Variants in ABCC2 observed in about 807,000 individuals in gnomAD.
The protein encoded by ABCC2 is ATP-binding cassette sub-family C member 2.
Under a neutral mutation model 173.4 loss-of-function variants are expected in ABCC2, and 157 were observed. The observed-to-expected ratio is 0.91, with a 90% CI of 0.80 to 1.03. The LOEUF (loss-of-function observed/expected upper bound fraction) is 1.03, where lower values mean the gene tolerates loss of function less well. Ranked by LOEUF, ABCC2 falls within the 50% of genes least tolerant of loss-of-function variation. The pLI is 0.00. For missense variants in ABCC2, 1,822 were observed against 1,852.3 expected, an observed-to-expected ratio of 0.98 and a Z score of 0.30; for synonymous variants, 657 against 693.5, an observed-to-expected ratio of 0.95 and a Z score of 0.83.
intron 16 of ABCC2, among the ~76,000 whole-genome samples, chr10:99,814,228 CAT>C (rs1491138345): frequency 0.058 from 3,208 of 54,852 alleles, 249 homozygotes; most frequent in Middle Eastern, 0.19. Flanking sequence ...TATATACACA[CAT>C]GTGTATATAT....
intron 25 of ABCC2, among the ~76,000 whole-genome samples, chr10:99,839,230 C>T (rs1308295569): frequency 1.1e-4 from 11 of 97,752 alleles, no homozygotes; most frequent in South Asian, 6.7e-4. Flanking sequence ...GCTGGCCGGG[C>T]GGGGGGCCGA....
chr10:99,819,262 A>G lies in ABCC2; in HGVS notation c.2613A>G (p.Glu871=), dbSNP rs76302654. 1,336 of 1,613,540 alleles carry G rather than the reference A, an allele frequency of 8.3e-4. 3 individuals are homozygous for G. Among genetic ancestry groups the G allele is most frequent in the Middle Eastern group, 3.8e-3 (23 of 6,058 alleles). Residue 871 remains glutamate (E), a synonymous_variant, in exon 19 of 32, where the codon GAA becomes GAG. Coordinates refer to ENST00000647814, the MANE Select transcript of ABCC2 (RefSeq NM_000392.5). The part of the protein sequence containing the change: ...TFLRHTGPEE[E]ATVHDGSEEE... The stretch of plus-strand genomic sequence containing the variant: ...TAAGACATACAGGCCCTGAAGAGGA[A>G]GCCACAGGTATGTAAGAAGGATTGG...
rs1227257975 is a variant in ABCC2 at position 99,800,509 on chromosome 10, C to T, written c.1155C>T (p.Cys385=). ...SFCLQCYFQL[C]FKLGVKVRTA... The stretch of plus-strand genomic sequence containing the variant: ...GCCTTCAGTGTTATTTCCAACTGTG[C>T]TTCAAGCTGGGTGTAAAAGTACGGA... The change falls in exon 9 of 32, where the codon TGC becomes TGT. Residue 385 remains cysteine, a synonymous_variant. Coordinates refer to ENST00000647814, the MANE Select transcript of ABCC2 (RefSeq NM_000392.5). The T allele has an allele frequency of 6.2e-7, 1 of 1,614,156 alleles. No homozygotes were observed. The highest frequency in any genetic ancestry group is 1.7e-5 in the Admixed American group (1 of 60,014).
intron 11 of ABCC2, among the ~76,000 whole-genome samples, chr10:99,806,775 C>T (rs1022719935): frequency 1.3e-5 from 2 of 152,178 alleles, no homozygotes; most frequent in African/African-American, 4.8e-5. Context: ...CCAGAGGTGA[C>T]CAATAAGTTC....
intron 21 of ABCC2, 37 bp from the exon 22 acceptor site, chr10:99,831,574 A>G: frequency 6.3e-7 from 1 of 1,583,322 alleles, no homozygotes; most frequent in Non-Finnish European, 8.7e-7. Flanking sequence ...AAAAGCCATT[A>G]GGGAGTTCTA....
intron 6 of ABCC2, chr10:99,794,671 A>C (rs1463007962): frequency 1.9e-6 from 1 of 534,018 alleles, no homozygotes; most frequent in Non-Finnish European, 3.3e-6. Context: ...CAGCCTCGCA[A>C]GTAGCTGGGA....
intron 16 of ABCC2, among the ~76,000 whole-genome samples, chr10:99,813,441 C>T (rs1272337888): frequency 6.6e-6 from 1 of 152,192 alleles, no homozygotes; most frequent in African/African-American, 2.4e-5. Flanking sequence ...TCTGGCCAGG[C>T]ACGGTGGCTC....
chr10:99,818,659 A>G (rs1437761939), intron 17 of ABCC2, 131 bp from the exon 18 acceptor site: 3 of 875,082 alleles, frequency 3.4e-6, no homozygotes, highest in Non-Finnish European at 5.4e-6. Flanking sequence ...TATTTGTATA[A>G]AGGAACTTGT....
At position 99,845,531 on chromosome 10, in the gene ABCC2, C is replaced by T. The variant is rs920154599; in HGVS notation, c.3988-93C>T. On this transcript the variant is annotated intron_variant, in intron 28 of 31. Transcript: ENST00000647814. ...TAGAGATGGAGTAGCCAGTCACTGC[C>T]TCTTACCTCCTGTGACTGTGAATGC... 2.0e-5 allele frequency: 30 copies of T among 1,509,204 alleles called. No homozygotes were observed. In the African/African-American group the frequency reaches 3.6e-4, roughly 18 times the overall value. The allele number at this position is 1,509,204 out of a possible 1,614,324, so 93.5% of individuals were successfully genotyped here.
chr10:99,785,471 T>G (rs763913097), intron 2 of ABCC2, among the ~76,000 whole-genome samples: 1 of 152,084 alleles, frequency 6.6e-6, no homozygotes, highest in Non-Finnish European at 1.5e-5. Context: ...CATAAAATCT[T>G]CCATCTGCTT....
chr10:99,805,347 C>T lies in ABCC2; in HGVS notation c.1465-35C>T, dbSNP rs747938222. The stretch of plus-strand genomic sequence containing the variant: ...AAACCTGAGCCCTCTCTCATGGAAG[C>T]GTATATTGTTTTTCTTTTGCTTTTT... On this transcript the variant is annotated intron_variant, in intron 10 of 31. Coordinates refer to ENST00000647814, the MANE Select transcript of ABCC2 (RefSeq NM_000392.5). 8.2e-6 allele frequency: 13 copies of T among 1,583,574 alleles called. No homozygotes were observed. In the East Asian group the frequency reaches 1.1e-4, roughly 14 times the overall value.
At chr10:99,837,460 CTTTTTTT>C (rs1233997069) in intron 25 of ABCC2, among the ~76,000 whole-genome samples, 1 of 5,698 alleles carries the variant, frequency 1.8e-4, no homozygotes, top group African/African-American at 1.0e-3. Context: ...TCTTTTTTTT[CTTTTTTT>C]TTTTTTTTTT....
rs1162049174 is a variant in ABCC2 at position 99,816,006 on chromosome 10, TC to T, written c.2095-1301del. 2.6e-5 allele frequency among the ~76,000 whole-genome samples: 4 copies of T among 151,378 alleles called. No homozygotes were observed. In the East Asian group the frequency reaches 7.8e-4, roughly 29 times the overall value. Reference sequence around the variant, plus strand: ...TTTTTTGAGACGGAGTCTCAGTCTGTCACCCAGGCTGGAGTGCAGTGGCGTG... The same window carrying T: ...TTTTTTGAGACGGAGTCTCAGTCTGTACCCAGGCTGGAGTGCAGTGGCGTG... On this transcript the variant is annotated intron_variant, in intron 16 of 31. Transcript: ENST00000647814.
In ABCC2 at chr10:99,845,802, C is replaced by G. The variant is rs370967852; in HGVS notation, c.4146+20C>G. The G allele has an allele frequency of 6.2e-7, 1 of 1,602,154 alleles. No individual in the cohort carries two copies. The highest frequency in any genetic ancestry group is 8.5e-7 in the Non-Finnish European group (1 of 1,174,978). Reference sequence around the variant, plus strand: ...CCCCAGGTGAGCTCTAGAACTTACTCGGGCACATGCCGTGGGGAGCAGCTT... The same window carrying G: ...CCCCAGGTGAGCTCTAGAACTTACTGGGGCACATGCCGTGGGGAGCAGCTT... On this transcript the variant is annotated intron_variant, in intron 29 of 31. Coordinates refer to ENST00000647814, the MANE Select transcript of ABCC2 (RefSeq NM_000392.5).
At chr10:99,789,991 C>T (rs2037786313) in intron 2 of ABCC2, among the ~76,000 whole-genome samples, 1 of 152,124 alleles carries the variant, frequency 6.6e-6, no homozygotes, top group East Asian at 1.9e-4. Flanking sequence ...TTGAATGTAC[C>T]ATAATTTATG....
At chr10:99,794,323 A>T in intron 5 of ABCC2, 90 bp from the exon 6 acceptor site, 1 of 1,203,512 alleles carries the variant, frequency 8.3e-7, no homozygotes, top group Non-Finnish European at 1.2e-6. Context: ...GCACAACATT[A>T]TATCATTAAA....
At chr10:99,788,952 C>T (rs2756107) in intron 2 of ABCC2, 58,214 of 152,352 alleles carry the variant, frequency 0.38, 11,529 homozygotes, top group Middle Eastern at 0.49. Context: ...GGTCAGTTGG[C>T]TTTCTACCAC....
chr10:99,847,642 C>T (rs974767985), intron 30 of ABCC2, among the ~76,000 whole-genome samples: 4 of 150,094 alleles, frequency 2.7e-5, no homozygotes, highest in South Asian at 2.1e-4. Context: ...TGTTATTGGC[C>T]GGGTGCAGTG....
intron 2 of ABCC2, among the ~76,000 whole-genome samples, chr10:99,791,176 G>A (rs2037805638): frequency 6.6e-6 from 1 of 152,180 alleles, no homozygotes; most frequent in Non-Finnish European, 1.5e-5. Flanking sequence ...GGGAGGCCGA[G>A]GCAGGCAGAT....
Sources: gnomAD v4.1 joint callset for allele counts (sites outside exome capture counted in the v4.1 genomes callset) on GRCh38, gnomAD v4.1.1 for gene constraint, MANE v1.5 for transcripts, NCBI Gene and HGNC (gene_info 2026-07-23, HGNC 2026-07-21) for gene names.